PHF2: variants seen among roughly 807,000 people sequenced by gnomAD.
PHF2 encodes the protein lysine-specific demethylase PHF2.
Under a neutral mutation model 120.5 loss-of-function variants are expected in PHF2, and 27 were observed. The ratio of observed to expected loss-of-function variants is 0.22; its 90% CI spans 0.17 to 0.31. The LOEUF (loss-of-function observed/expected upper bound fraction) is 0.31. PHF2 is among the 10% of genes least tolerant of loss of function. The pLI is 1.00. For missense variants in PHF2, 1,024 were observed against 1,434.8 expected (o/e 0.71, Z 4.63); for synonymous variants, 568 against 592.5 (o/e 0.96, Z 0.60).
chr9:93,625,322 T>G (rs200822831), intron 1 of PHF2, among the ~76,000 whole-genome samples: 2 of 152,250 alleles, frequency 1.3e-5, no homozygotes, highest in African/African-American at 4.8e-5. Flanking sequence ...CATTCCTTTT[T>G]AAGGCTGAAT....
chr9:93,604,382 GTAGAGGATT>G (rs1825501309), intron 1 of PHF2, among the ~76,000 whole-genome samples: 1 of 149,902 alleles, frequency 6.7e-6, no homozygotes, highest in Non-Finnish European at 1.5e-5. Context: ...CTTTATATTC[GTAGAGGATT>G]TAGAGGATTC....
Position 93,677,961 on chromosome 9 carries a change from C to G in PHF2, c.*285C>G. The stretch of plus-strand genomic sequence containing the variant: ...CTTATTCCACTTTAAGGACAGCCTT[C>G]AGGCCCCCTGAGCGTGGGTGTGATT... On this transcript the variant is annotated 3_prime_UTR_variant, in exon 22 of 22. Coordinates refer to ENST00000359246, the MANE Select transcript of PHF2 (RefSeq NM_005392.4). This position sits in a 1 kb window ranked among gnomAD's most constrained non-coding sequence, Gnocchi z 4.4. 2.5e-6 allele frequency: 1 copy of G among 397,608 alleles called. No individual in the cohort carries two copies. Among genetic ancestry groups the G allele is most frequent in the South Asian group, 3.5e-5 (1 of 28,706 alleles). 24.6% of individuals were successfully genotyped at this position (397,608 alleles called of 1,614,324 possible). A position where few individuals can be genotyped will look rare whatever the true frequency, so the allele number is the denominator to read the frequency against.
At chr9:93,650,186 G>A (rs1055918252) in intron 5 of PHF2, among the ~76,000 whole-genome samples, 2 of 150,306 alleles carry the variant, frequency 1.3e-5, no homozygotes, top group Admixed American at 1.3e-4. Context: ...CCTGTGACAC[G>A]TTCACAACAC....
At chr9:93,623,668 T>C (rs1825860066) in intron 1 of PHF2, among the ~76,000 whole-genome samples, 1 of 152,282 alleles carries the variant, frequency 6.6e-6, no homozygotes, top group Non-Finnish European at 1.5e-5. Flanking sequence ...GCTCTCACTT[T>C]GCACCCTGAG....
At chr9:93,670,989 G>T in intron 17 of PHF2, 1 of 984,714 alleles carries the variant, frequency 1.0e-6, no homozygotes, top group Non-Finnish European at 1.2e-6. Context: ...AGCTGTGTCT[G>T]TTCAGGTGCA....
At chr9:93,663,693 C>A in intron 14 of PHF2, 58 bp downstream of exon 14, 1 of 920,874 alleles carries the variant, frequency 1.1e-6, no homozygotes, top group Non-Finnish European at 1.8e-6. Context: ...TCACACACAC[C>A]ATACATACTG....
intron 17 of PHF2, chr9:93,670,944 C>T: frequency 1.1e-6 from 1 of 949,864 alleles, no homozygotes; most frequent in East Asian, 1.2e-4. Context: ...GTGGAGCCTG[C>T]CAGAAGTGGG....
At chr9:93,623,189 G>A (rs186733973) in intron 1 of PHF2, among the ~76,000 whole-genome samples, 1 of 152,304 alleles carries the variant, frequency 6.6e-6, no homozygotes, top group East Asian at 1.9e-4. Context: ...AGGGTCTGAT[G>A]TGCAATGTGG....
intron 1 of PHF2, among the ~76,000 whole-genome samples, chr9:93,587,533 T>TCCCAGGTGGG (rs1863077036): frequency 9.5e-6 from 1 of 105,288 alleles, no homozygotes; most frequent in Non-Finnish European, 2.0e-5. Flanking sequence ...TCCCAGATAG[T>TCCCAGGTGGG]GGATGGAGGA....
At chr9:93,628,625 C>T (rs2131648247) in intron 1 of PHF2, among the ~76,000 whole-genome samples, 1 of 152,268 alleles carries the variant, frequency 6.6e-6, no homozygotes, top group Admixed American at 6.5e-5. Context: ...GCTTCATGCA[C>T]ATCTATAGCT....
At chr9:93,662,083 A>G (rs1826578837) in intron 12 of PHF2, among the ~76,000 whole-genome samples, 1 of 151,658 alleles carries the variant, frequency 6.6e-6, no homozygotes, top group South Asian at 2.1e-4. Context: ...GGGTGGATGA[A>G]TGGATGGATG....
intron 5 of PHF2, among the ~76,000 whole-genome samples, chr9:93,652,556 G>T (rs2117926731): frequency 6.6e-6 from 1 of 152,092 alleles, no homozygotes; most frequent in Admixed American, 6.5e-5. Flanking sequence ...CTCCCAAAGT[G>T]CTGAGATTAC....
At chr9:93,674,609 G>A (rs950844514) in intron 18 of PHF2, among the ~76,000 whole-genome samples, 2 of 152,178 alleles carry the variant, frequency 1.3e-5, no homozygotes, top group Non-Finnish European at 2.9e-5. Flanking sequence ...GATGTACGGA[G>A]GGCAGCCCTT....
intron 1 of PHF2, among the ~76,000 whole-genome samples, chr9:93,624,491 G>T (rs1825875131): frequency 7.5e-6 from 1 of 133,550 alleles, no homozygotes; most frequent in Non-Finnish European, 1.8e-5. Context: ...GATGGTGATG[G>T]TGGTGATGGT....
In PHF2 at chr9:93,590,301, G is replaced by T. The variant is rs1057241052; in HGVS notation, c.98+13430G>T. ...CTTTCCTCCCTAGAGTTGTAGAGTTGTGTCAGTAGCCCTGGTGCTTTCTAA... is the reference window on the plus strand; with the variant it reads ...CTTTCCTCCCTAGAGTTGTAGAGTTTTGTCAGTAGCCCTGGTGCTTTCTAA... On this transcript the variant is annotated intron_variant, in intron 1 of 21. Transcript: ENST00000359246. Among the ~76,000 whole-genome samples the T allele has an allele frequency of 2.6e-5, 4 of 152,326 alleles. No individual in the cohort carries two copies. The East Asian group carries it at 7.7e-4, about 29-fold the overall frequency.
At position 93,664,774 on chromosome 9, in the gene PHF2, C is replaced by T. The variant is rs144668184; in HGVS notation, c.1938-912C>T. Reference sequence around the variant, plus strand: ...CTATTAAACGGCATTCACTCTGTGACGGTGCTAGGGAGTTGACGATAGAGA... The same window carrying T: ...CTATTAAACGGCATTCACTCTGTGATGGTGCTAGGGAGTTGACGATAGAGA... On this transcript the variant is annotated intron_variant, in intron 14 of 21. Transcript: ENST00000359246. Among the ~76,000 whole-genome samples, 61 of 152,336 alleles carry T rather than the reference C, an allele frequency of 4.0e-4. No homozygotes were observed. The East Asian group carries it at 9.8e-3, about 25-fold the overall frequency.
intron 17 of PHF2, chr9:93,672,300 G>T (rs531068770): frequency 2.6e-6 from 1 of 390,138 alleles, no homozygotes; most frequent in Non-Finnish European, 3.4e-6. Flanking sequence ...GTAGATGCAG[G>T]TGTGGGTGTG....
rs562700662 is a variant in PHF2, at chr9:93,591,142, A to G, written c.98+14271A>G. Reference sequence around the variant, plus strand: ...CCTCCTGTGACCCATGCTCACTCACAGTCTGCTGGGACTCAAGGTCCCAGC... The same window carrying G: ...CCTCCTGTGACCCATGCTCACTCACGGTCTGCTGGGACTCAAGGTCCCAGC... On this transcript the variant is annotated intron_variant, in intron 1 of 21. Coordinates refer to ENST00000359246, the MANE Select transcript of PHF2 (RefSeq NM_005392.4). Among the ~76,000 whole-genome samples the G allele has an allele frequency of 1.8e-3, 271 of 152,142 alleles. 3 individuals are homozygous for G. Among genetic ancestry groups the G allele is most frequent in the Admixed American group, 2.2e-3 (33 of 15,292 alleles).
chr9:93,654,233 C>G (rs1375571295), intron 6 of PHF2, among the ~76,000 whole-genome samples, 180 bp from the exon 7 acceptor site: 2 of 152,164 alleles, frequency 1.3e-5, no homozygotes, highest in Non-Finnish European at 2.9e-5. Context: ...TGCAGAGGGC[C>G]CAGATACCCA....
Sources: gnomAD v4.1 joint callset for allele counts (sites outside exome capture counted in the v4.1 genomes callset) on GRCh38, gnomAD v4.1.1 for gene constraint, Gnocchi (gnomAD v3.1) non-coding constraint, MANE v1.5 for transcripts, NCBI Gene and HGNC (gene_info 2026-07-23, HGNC 2026-07-21) for gene names.